The following KCNN2 variants were observed in gnomAD, a reference collection of about 807,000 sequenced individuals.
KCNN2 encodes the protein potassium calcium-activated channel subfamily N member 2, also known as small conductance calcium-activated potassium channel protein 2.
KCNN2 carries 24 observed loss-of-function variants against 55.5 expected under a neutral mutation model. The ratio of observed to expected loss-of-function variants is 0.43; its 90% CI spans 0.31 to 0.61. The LOEUF is 0.61. Ranked by LOEUF, KCNN2 falls within the 20% of genes least tolerant of loss-of-function variation. The probability of loss-of-function intolerance (pLI) is 0.08; values close to 1 mark genes in which losing one functional copy is unlikely to be tolerated. For synonymous variants in KCNN2, 431 were observed against 336.1 expected, an observed-to-expected ratio of 1.28 and a Z score of -3.09; for missense variants, 754 against 853.6, an observed-to-expected ratio of 0.88 and a Z score of 1.45.
intron 2 of KCNN2, among the ~76,000 whole-genome samples, chr5:114,373,321 T>G (rs921510326): frequency 6.6e-6 from 1 of 151,922 alleles, no homozygotes; most frequent in African/African-American, 2.4e-5. Flanking sequence ...TTAAAAACAA[T>G]TATATAGAAA....
At chr5:114,452,413 A>G (rs1421123454) in intron 3 of KCNN2, among the ~76,000 whole-genome samples, 2 of 152,194 alleles carry the variant, frequency 1.3e-5, no homozygotes, top group African/African-American at 2.4e-5. Flanking sequence ...TACAGCTTGC[A>G]TATTACCTTA....
At chr5:114,219,409 A>C (rs747565162) in intron 1 of KCNN2, among the ~76,000 whole-genome samples, 6 of 152,124 alleles carry the variant, frequency 3.9e-5, no homozygotes, top group Non-Finnish European at 8.8e-5. Flanking sequence ...GGGGGATTTT[A>C]TTGCCAATGA....
intron 2 of KCNN2, among the ~76,000 whole-genome samples, chr5:114,370,994 A>G (rs1757747407): frequency 6.6e-6 from 1 of 152,166 alleles, no homozygotes; most frequent in Non-Finnish European, 1.5e-5. Flanking sequence ...ACCTGGCTTA[A>G]TAGCATTCTT....
intron 1 of KCNN2, among the ~76,000 whole-genome samples, chr5:114,129,354 TCTG>T (rs1752002419): frequency 6.6e-6 from 1 of 152,178 alleles, no homozygotes; most frequent in Non-Finnish European, 1.5e-5. Flanking sequence ...AAAAATTTCT[TCTG>T]CTACCTTATC....
At chr5:114,396,660 T>G (rs1758630290) in intron 2 of KCNN2, among the ~76,000 whole-genome samples, 5 of 151,924 alleles carry the variant, frequency 3.3e-5, no homozygotes, top group Admixed American at 2.6e-4. Flanking sequence ...GTGATTCTCC[T>G]GCCTCAGCCT....
intron 1 of KCNN2, among the ~76,000 whole-genome samples, chr5:114,164,271 G>T (rs1408340455): frequency 6.6e-6 from 1 of 152,108 alleles, no homozygotes; most frequent in Non-Finnish European, 1.5e-5. Flanking sequence ...AAATATTAAG[G>T]TAAGAAGTAC....
At chr5:114,465,187 C>T (rs1238545880) in intron 4 of KCNN2, among the ~76,000 whole-genome samples, 3 of 152,152 alleles carry the variant, frequency 2.0e-5, no homozygotes, top group African/African-American at 7.2e-5. Context: ...TTTATCGTTC[C>T]TTGATATTTT....
intron 2 of KCNN2, among the ~76,000 whole-genome samples, chr5:114,402,099 C>T (rs150790159): frequency 2.0e-5 from 3 of 152,136 alleles, no homozygotes; most frequent in Non-Finnish European, 4.4e-5. Context: ...ACATCCAGAC[C>T]ATACCAAGTA....
At chr5:114,125,808 G>T (rs1268793782) in intron 1 of KCNN2, among the ~76,000 whole-genome samples, 1 of 152,140 alleles carries the variant, frequency 6.6e-6, no homozygotes, top group Admixed American at 6.5e-5. Context: ...CTCCATATGT[G>T]TCTGTGTCCA....
intron 7 of KCNN2, among the ~76,000 whole-genome samples, chr5:114,494,321 A>C (rs1277753243): frequency 6.6e-6 from 1 of 151,500 alleles, no homozygotes; most frequent in African/African-American, 2.4e-5. Context: ...ATCCATAAAA[A>C]TTACAAGTAT....
intron 1 of KCNN2, among the ~76,000 whole-genome samples, chr5:114,154,713 C>T (rs1752595452): frequency 6.6e-6 from 1 of 152,096 alleles, no homozygotes; most frequent in Admixed American, 6.6e-5. Context: ...TTGAGCTGGT[C>T]AACCATCTCT....
At chr5:114,452,698 C>T (rs562550475) in intron 3 of KCNN2, among the ~76,000 whole-genome samples, 2 of 152,256 alleles carry the variant, frequency 1.3e-5, no homozygotes, top group Admixed American at 6.5e-5. Context: ...GGGCTTTGCA[C>T]AGGATTCCTT....
intron 2 of KCNN2, among the ~76,000 whole-genome samples, chr5:114,369,381 T>G (rs1185458711): frequency 6.6e-6 from 1 of 152,190 alleles, no homozygotes; most frequent in Admixed American, 6.5e-5. Flanking sequence ...GTTTCCCAAG[T>G]TTTATTATCT....
intron 1 of KCNN2, among the ~76,000 whole-genome samples, chr5:114,197,199 CTAT>C (rs564321808): frequency 1.3e-4 from 20 of 152,196 alleles, no homozygotes; most frequent in African/African-American, 4.3e-4. Context: ...AGCATACTTT[CTAT>C]TATTCTAATT....
intron 2 of KCNN2, among the ~76,000 whole-genome samples, chr5:114,349,582 A>T (rs1451662620): frequency 6.6e-6 from 1 of 152,066 alleles, no homozygotes; most frequent in Non-Finnish European, 1.5e-5. Context: ...AAAAATCAGA[A>T]ACACTCTGAT....
At chr5:114,442,504 G>C (rs542599505) in intron 3 of KCNN2, among the ~76,000 whole-genome samples, 1 of 152,146 alleles carries the variant, frequency 6.6e-6, no homozygotes, top group Non-Finnish European at 1.5e-5. Context: ...CTGAACCTCA[G>C]TTTCCTCAGT....
chr5:114,085,106 T>G (rs1750987155), intron 1 of KCNN2, among the ~76,000 whole-genome samples: 1 of 151,876 alleles, frequency 6.6e-6, no homozygotes, highest in Non-Finnish European at 1.5e-5. Context: ...CGTGCTGTCT[T>G]GATTACTGTA....
intron 1 of KCNN2, among the ~76,000 whole-genome samples, chr5:114,085,984 C>G (rs1196232529): frequency 2.0e-5 from 3 of 152,150 alleles, no homozygotes; most frequent in East Asian, 1.9e-4. Context: ...AAATATCAGT[C>G]TTTATCCCTG....
rs926156746 is a variant in KCNN2, at chr5:114,472,994, G to A, written c.1780-60G>A. 4.3e-6 allele frequency: 4 copies of A among 931,210 alleles called. No homozygotes were observed. The African/African-American group carries it at 5.0e-5, about 12-fold the overall frequency. The allele number at this position is 931,210 out of a possible 1,614,324, so 57.7% of individuals were successfully genotyped here. A position where few individuals can be genotyped will look rare whatever the true frequency, so the allele number is the denominator to read the frequency against. On this transcript the variant is annotated intron_variant, in intron 4 of 7. Coordinates refer to ENST00000673685, the MANE Select transcript of KCNN2 (RefSeq NM_021614.4). ...CATTTGATGCAAAACATTTTCTAATGTGTCTGAGACAGAAAGTAGTTAGTA... is the reference window on the plus strand; with the variant it reads ...CATTTGATGCAAAACATTTTCTAATATGTCTGAGACAGAAAGTAGTTAGTA...
Sources: gnomAD v4.1 joint callset for allele counts (sites outside exome capture counted in the v4.1 genomes callset) on GRCh38, gnomAD v4.1.1 for gene constraint, MANE v1.5 for transcripts, NCBI Gene and HGNC (gene_info 2026-07-23, HGNC 2026-07-21) for gene names.